MAMDC2: variants seen among roughly 807,000 people sequenced by gnomAD.
The protein encoded by MAMDC2 is MAM domain containing 2.
A neutral mutation model predicts 89.8 loss-of-function variants in MAMDC2; 57 were observed. That is an observed-to-expected ratio of 0.63 (90% CI 0.51 to 0.79). The LOEUF is 0.79. MAMDC2 is among the 30% of genes least tolerant of loss of function. The pLI, the probability that MAMDC2 is intolerant of heterozygous loss-of-function variation, is 0.00. For missense variants in MAMDC2, 800 were observed against 820.6 expected, an observed-to-expected ratio of 0.97 and a Z score of 0.31; for synonymous variants, 313 against 293.4, an observed-to-expected ratio of 1.07 and a Z score of -0.68.
At chr9:70,222,231 A>G (rs957215955) in intron 12 of MAMDC2, among the ~76,000 whole-genome samples, 4 of 152,204 alleles carry the variant, frequency 2.6e-5, no homozygotes, top group Admixed American at 1.3e-4. Context: ...GATGAGGAAG[A>G]GTTGAGACAG....
At chr9:70,205,216 C>G (rs2033200124) in intron 11 of MAMDC2, among the ~76,000 whole-genome samples, 1 of 152,168 alleles carries the variant, frequency 6.6e-6, no homozygotes. Flanking sequence ...GTGTCTAATT[C>G]AGTGGCACTG....
At chr9:70,207,711 C>T (rs1433079924) in intron 11 of MAMDC2, among the ~76,000 whole-genome samples, 1 of 152,166 alleles carries the variant, frequency 6.6e-6, no homozygotes, top group East Asian at 1.9e-4. Context: ...TTGCCCATGC[C>T]TATGTCCTGA....
At chr9:70,207,095 T>C (rs2033242617) in intron 11 of MAMDC2, among the ~76,000 whole-genome samples, 1 of 152,248 alleles carries the variant, frequency 6.6e-6, no homozygotes, top group Non-Finnish European at 1.5e-5. Flanking sequence ...AACATACATA[T>C]GCAGGTGTCT....
intron 5 of MAMDC2, among the ~76,000 whole-genome samples, chr9:70,120,095 A>G (rs879554304): frequency 3.9e-5 from 6 of 152,190 alleles, no homozygotes; most frequent in Non-Finnish European, 5.9e-5. Flanking sequence ...AGTCCTTTTA[A>G]GGTACTGTAG....
intron 2 of MAMDC2, among the ~76,000 whole-genome samples, chr9:70,072,592 C>T (rs898530262): frequency 3.9e-5 from 6 of 152,066 alleles, no homozygotes; most frequent in Admixed American, 1.3e-4. Flanking sequence ...TTATCCCCAC[C>T]GATAGATGAG....
chr9:70,119,888 C>T (rs894572133), intron 5 of MAMDC2, among the ~76,000 whole-genome samples: 4 of 152,188 alleles, frequency 2.6e-5, no homozygotes, highest in African/African-American at 4.8e-5. Context: ...AGTTGATGAC[C>T]TTCATACAGC....
chr9:70,209,685 T>G (rs1303663651), intron 11 of MAMDC2, among the ~76,000 whole-genome samples: 2 of 152,194 alleles, frequency 1.3e-5, no homozygotes, highest in African/African-American at 4.8e-5. Context: ...AGCTTTTGAA[T>G]GTGTTTGCTC....
chr9:70,068,762 A>C (rs1170394053), intron 2 of MAMDC2, among the ~76,000 whole-genome samples: 1 of 151,750 alleles, frequency 6.6e-6, no homozygotes, highest in Non-Finnish European at 1.5e-5. Context: ...GGGAACAGGA[A>C]ACAAACATCT....
At chr9:70,147,310 G>GT (rs1427540663) in intron 9 of MAMDC2, among the ~76,000 whole-genome samples, 1 of 149,962 alleles carries the variant, frequency 6.7e-6, no homozygotes, top group Non-Finnish European at 1.5e-5. Flanking sequence ...TCCACTTCTT[G>GT]TTTTTCTGAT....
intron 6 of MAMDC2, among the ~76,000 whole-genome samples, chr9:70,130,179 T>C (rs913266665): frequency 3.3e-5 from 5 of 151,190 alleles, no homozygotes; most frequent in African/African-American, 1.2e-4. Context: ...TAAGGTCACA[T>C]ACTGAGATAC....
intron 9 of MAMDC2, among the ~76,000 whole-genome samples, chr9:70,152,928 G>A (rs1396392609): frequency 6.6e-6 from 1 of 152,092 alleles, no homozygotes; most frequent in Non-Finnish European, 1.5e-5. Context: ...AAATTTAGCT[G>A]AGCAGAGAGA....
At chr9:70,125,947 G>A (rs1307246844) in intron 5 of MAMDC2, among the ~76,000 whole-genome samples, 1 of 152,134 alleles carries the variant, frequency 6.6e-6, no homozygotes, top group Non-Finnish European at 1.5e-5. Flanking sequence ...CCTGTATTTA[G>A]CAGAGTGCAA....
intron 11 of MAMDC2, among the ~76,000 whole-genome samples, chr9:70,211,539 C>G (rs1258921227): frequency 6.6e-6 from 1 of 152,088 alleles, no homozygotes; most frequent in East Asian, 1.9e-4. Flanking sequence ...AATCTTTTTT[C>G]AAGGTTTTTA....
intron 2 of MAMDC2, among the ~76,000 whole-genome samples, chr9:70,046,845 C>T (rs56184619): frequency 6.6e-6 from 1 of 152,162 alleles, no homozygotes; most frequent in Non-Finnish European, 1.5e-5. Flanking sequence ...GTGGAGCAGG[C>T]AGGTTAGGCT....
At chr9:70,059,068 A>G (rs970355076) in intron 2 of MAMDC2, among the ~76,000 whole-genome samples, 4 of 152,232 alleles carry the variant, frequency 2.6e-5, no homozygotes, top group Non-Finnish European at 4.4e-5. Context: ...AAAATGAGTG[A>G]AGTATCCTTA....
chr9:70,050,230 G>A (rs535824963), intron 2 of MAMDC2, among the ~76,000 whole-genome samples: 1 of 150,918 alleles, frequency 6.6e-6, no homozygotes, highest in East Asian at 2.1e-4. Context: ...TCTTCAGCGT[G>A]TAGAAAAGAG....
At chr9:70,076,756 C>G (rs1314813213) in intron 2 of MAMDC2, among the ~76,000 whole-genome samples, 2 of 152,140 alleles carry the variant, frequency 1.3e-5, no homozygotes, top group Admixed American at 1.3e-4. Context: ...TTATTTTGTA[C>G]TCTAGAGAAT....
At chr9:70,057,130 G>A (rs1429072593) in intron 2 of MAMDC2, among the ~76,000 whole-genome samples, 1 of 152,084 alleles carries the variant, frequency 6.6e-6, no homozygotes, top group Non-Finnish European at 1.5e-5. Context: ...CTGGTTTGTG[G>A]GAAAATTGTC....
At chr9:70,140,348 T>A in intron 8 of MAMDC2, 60 bp downstream of exon 8, 2 of 1,229,130 alleles carry the variant, frequency 1.6e-6, no homozygotes, top group Non-Finnish European at 2.2e-6. Flanking sequence ...TTATTGGCCA[T>A]TCCTACTTCA....
Sources: gnomAD v4.1 joint callset for allele counts (sites outside exome capture counted in the v4.1 genomes callset) on GRCh38, gnomAD v4.1.1 for gene constraint, MANE v1.5 for transcripts, NCBI Gene and HGNC (gene_info 2026-07-23, HGNC 2026-07-21) for gene names.